Variants in CNOT2 observed in about 807,000 individuals in gnomAD.
The protein encoded by CNOT2 is CC chemokine receptor 4-negative regulator of transcription 2.
Under a neutral mutation model 72.1 loss-of-function variants are expected in CNOT2, and 7 were observed. The observed-to-expected ratio is 0.10, with a 90% confidence interval of 0.06 to 0.18. The LOEUF is 0.18. Among genes scored for constraint, CNOT2 ranks in the 10% least tolerant of loss-of-function variants. CNOT2 has a pLI of 1.00. For synonymous variants in CNOT2, 196 were observed against 225.6 expected (o/e 0.87, Z 1.17); for missense variants, 345 against 660.3 (o/e 0.52, Z 5.23).
At chr12:70,349,839 A>G (rs994192151) in intron 15 of CNOT2, among the ~76,000 whole-genome samples, 1 of 151,998 alleles carries the variant, frequency 6.6e-6, no homozygotes, top group African/African-American at 2.4e-5. Context: ...GTCTCTATAG[A>G]AAGAGAGAGA....
In CNOT2 at chr12:70,327,331, C is replaced by T. The variant is rs147765231; in HGVS notation, c.239-2092C>T. On this transcript the variant is annotated intron_variant, in intron 4 of 15. Coordinates refer to ENST00000229195, the MANE Select transcript of CNOT2 (RefSeq NM_014515.7). ...GAAAAAAGGTTGAGGGAAACATATT[C>T]AAAAGGGAAAAAGAAAGCAGGGGGA... Among the ~76,000 whole-genome samples, 479 of 151,846 alleles carry T rather than the reference C, an allele frequency of 3.2e-3. 5 individuals carry two copies. Among genetic ancestry groups the T allele is most frequent in the African/African-American group, 0.011 (439 of 41,466 alleles).
intron 2 of CNOT2, among the ~76,000 whole-genome samples, chr12:70,299,034 C>T (rs895870988): frequency 1.3e-5 from 2 of 152,014 alleles, no homozygotes; most frequent in Non-Finnish European, 2.9e-5. Context: ...CTAACAAAGA[C>T]GTACCCGAGA....
In CNOT2 at chr12:70,346,461, T is replaced by G. The variant is rs1035583145; in HGVS notation, c.1536+137T>G. ...TTGCCAACTGTTTAATTCCATCTCCTTGGCTTGACACTCTTAGAAGAGTGT... is the reference window on the plus strand; with the variant it reads ...TTGCCAACTGTTTAATTCCATCTCCGTGGCTTGACACTCTTAGAAGAGTGT... On this transcript the variant is annotated intron_variant, in intron 15 of 15. Coordinates refer to ENST00000229195, the MANE Select transcript of CNOT2 (RefSeq NM_014515.7). 4.7e-6 allele frequency: 3 copies of G among 635,708 alleles called. No homozygotes were observed. In the African/African-American group the frequency reaches 5.5e-5, roughly 12 times the overall value. 39.4% of individuals were successfully genotyped at this position (635,708 alleles called of 1,614,324 possible).
At chr12:70,304,842 G>C (rs1285427373) in intron 2 of CNOT2, among the ~76,000 whole-genome samples, 1 of 152,238 alleles carries the variant, frequency 6.6e-6, no homozygotes, top group African/African-American at 2.4e-5. Context: ...CTTCCTGGCT[G>C]CTTTGTTTAC....
In CNOT2 at chr12:70,247,399, G is replaced by A. The variant is rs545072891; in HGVS notation, c.-96+3919G>A. Reference sequence around the variant, plus strand: ...TCAAACTCCTGACCTCAGACGATCCGCCTGCCTCACCCTCCCAAAGTGCTG... The same window carrying A: ...TCAAACTCCTGACCTCAGACGATCCACCTGCCTCACCCTCCCAAAGTGCTG... On this transcript the variant is annotated intron_variant, in intron 1 of 15. Transcript: ENST00000229195. Among the ~76,000 whole-genome samples, 8 of 152,038 alleles carry A rather than the reference G, an allele frequency of 5.3e-5. No homozygotes were observed. The South Asian group carries it at 1.2e-3, about 24-fold the overall frequency.
chr12:70,275,598 C>T (rs544646621), intron 1 of CNOT2, among the ~76,000 whole-genome samples: 18 of 152,164 alleles, frequency 1.2e-4, no homozygotes, highest in African/African-American at 4.1e-4. Context: ...GAAGGGTAAA[C>T]ATAGCCTCCT....
At chr12:70,348,599 A>C (rs1261919621) in intron 15 of CNOT2, among the ~76,000 whole-genome samples, 1 of 152,186 alleles carries the variant, frequency 6.6e-6, no homozygotes, top group African/African-American at 2.4e-5. Flanking sequence ...TTACATATGT[A>C]AAAAGGGGTG....
chr12:70,302,330 C>T (rs1475893105), intron 2 of CNOT2, among the ~76,000 whole-genome samples: 4 of 151,434 alleles, frequency 2.6e-5, no homozygotes, highest in African/African-American at 9.7e-5. Flanking sequence ...TTAGATCTTT[C>T]CTGCTTTCTC....
At chr12:70,317,228 AC>A (rs1877485884) in intron 3 of CNOT2, among the ~76,000 whole-genome samples, 1 of 152,078 alleles carries the variant, frequency 6.6e-6, no homozygotes, top group South Asian at 2.1e-4. Context: ...ATAAAAGAAA[AC>A]TTACTAAAAA....
chr12:70,335,709 A>G (rs1880588127), intron 8 of CNOT2, 146 bp downstream of exon 8: 2 of 531,022 alleles, frequency 3.8e-6, no homozygotes, highest in African/African-American at 1.9e-5. Context: ...TTTTTTCAGA[A>G]TTGATATATT....
intron 3 of CNOT2, 99 bp downstream of exon 3, chr12:70,311,116 A>G: frequency 1.2e-6 from 1 of 805,550 alleles, no homozygotes; most frequent in Non-Finnish European, 2.0e-6. Flanking sequence ...TCTGTGGTTG[A>G]GTGACAATCT....
intron 3 of CNOT2, among the ~76,000 whole-genome samples, chr12:70,311,529 A>G (rs934942281): frequency 2.0e-5 from 3 of 152,002 alleles, no homozygotes; most frequent in African/African-American, 4.8e-5. Context: ...ACTGTATTCA[A>G]AATGTGATGG....
At chr12:70,258,252 A>AT (rs1223391333) in intron 1 of CNOT2, among the ~76,000 whole-genome samples, 1 of 152,216 alleles carries the variant, frequency 6.6e-6, no homozygotes, top group East Asian at 1.9e-4. Context: ...CAGGGTTAAT[A>AT]TACAGAAGTA....
intron 2 of CNOT2, 50 bp downstream of exon 2, chr12:70,278,324 G>A: frequency 7.5e-7 from 1 of 1,328,692 alleles, no homozygotes; most frequent in Non-Finnish European, 1.1e-6. Context: ...TAGCTACATT[G>A]AAACTGTTCA....
rs529129652 is a variant in CNOT2, at chr12:70,291,236, G to A, written c.48+12962G>A. Among the ~76,000 whole-genome samples the A allele has an allele frequency of 1.2e-4, 19 of 152,234 alleles. No homozygotes were observed. In the South Asian group the frequency reaches 3.1e-3, roughly 25 times the overall value. On this transcript the variant is annotated intron_variant, in intron 2 of 15. Coordinates refer to ENST00000229195, the MANE Select transcript of CNOT2 (RefSeq NM_014515.7). ...TTCTTACTTTAAAAAAATCTGTGTT[G>A]TATAGCATAAAATAGTATATTATCT...
chr12:70,265,273 T>TCTTCTCTTCTCTTCTCTTCTCTTCTCTTC (rs1229244460), intron 1 of CNOT2, among the ~76,000 whole-genome samples: 5 of 125,468 alleles, frequency 4.0e-5, no homozygotes, highest in African/African-American at 1.1e-4. Flanking sequence ...TTCGTTTTGT[T>TCTTCTCTTCTCTTCTCTTCTCTTCTCTTC]TCTTCTCTTC....
chr12:70,335,660 A>G, intron 8 of CNOT2, 97 bp downstream of exon 8: 2 of 855,858 alleles, frequency 2.3e-6, no homozygotes, highest in Non-Finnish European at 3.7e-6. Flanking sequence ...TTGTGTGTGT[A>G]CACATGTATG....
At chr12:70,280,650 G>T (rs1282889695) in intron 2 of CNOT2, among the ~76,000 whole-genome samples, 1 of 152,102 alleles carries the variant, frequency 6.6e-6, no homozygotes. Flanking sequence ...ATTTATCCAG[G>T]TCTCATTTCC....
chr12:70,275,504 A>G (rs185298539), intron 1 of CNOT2, among the ~76,000 whole-genome samples: 191 of 152,106 alleles, frequency 1.3e-3, no homozygotes, highest in Admixed American at 6.4e-3. Flanking sequence ...TTTCTTGACG[A>G]TCTCTGTCCT....
Sources: gnomAD v4.1 joint callset for allele counts (sites outside exome capture counted in the v4.1 genomes callset) on GRCh38, gnomAD v4.1.1 for gene constraint, MANE v1.5 for transcripts, NCBI Gene and HGNC (gene_info 2026-07-23, HGNC 2026-07-21) for gene names.